The following WDFY3 variants were observed in gnomAD, a reference collection of about 807,000 sequenced individuals.
WDFY3 encodes WD repeat and FYVE domain containing 3.
In WDFY3, 66 loss-of-function variants were observed where a neutral mutation model predicts 409.6. The observed-to-expected ratio is 0.16, with a 90% CI of 0.13 to 0.20. WDFY3 has a LOEUF of 0.20. Among genes scored for constraint, WDFY3 ranks in the 10% least tolerant of loss-of-function variants. The pLI, the probability that WDFY3 is intolerant of heterozygous loss-of-function variation, is 1.00. For synonymous variants in WDFY3, 1,521 were observed against 1,537.1 expected (o/e 0.99, Z 0.25); for missense variants, 3,031 against 4,298.1 (o/e 0.71, Z 8.24).
chr4:84,750,748 G>A (rs1362229105), intron 36 of WDFY3, among the ~76,000 whole-genome samples: 1 of 152,152 alleles, frequency 6.6e-6, no homozygotes, highest in East Asian at 1.9e-4. Context: ...AATTTCTAGA[G>A]GCAGCAATGA....
At chr4:84,727,561 A>G (rs1397046392) in intron 44 of WDFY3, among the ~76,000 whole-genome samples, 1 of 152,190 alleles carries the variant, frequency 6.6e-6, no homozygotes, top group Non-Finnish European at 1.5e-5. Flanking sequence ...TAATGGCTTT[A>G]TATTTTATTT....
At position 84,772,854 on chromosome 4, in the gene WDFY3, A is replaced by C; in HGVS notation, c.4830T>G (p.Asn1610Lys). 1 of 1,611,470 alleles carries C rather than the reference A, an allele frequency of 6.2e-7. No homozygotes were observed. Among genetic ancestry groups the C allele is most frequent in the Non-Finnish European group, 8.5e-7 (1 of 1,178,996 alleles). The change falls in exon 30 of 68, where the codon AAT becomes AAG. Residue 1610 changes from asparagine to lysine, a missense_variant. Asn to Lys is a moderately conservative substitution (Grantham distance 94). Around this residue, in one of 16 missense-constraint regions of WDFY3, gnomAD observed 342 missense variants for 463.7 expected, o/e 0.74. Coordinates refer to ENST00000295888, the MANE Select transcript of WDFY3 (RefSeq NM_014991.6). ...CEKFVVMEIN[N>K]EEKLDTGTEE... ...ACTTACCAGTGTCAAGCTTCTCTTCATTATTTATTTCCATTACTACAAATT... is the reference window on the plus strand; with the variant it reads ...ACTTACCAGTGTCAAGCTTCTCTTCCTTATTTATTTCCATTACTACAAATT...
chr4:84,691,508 T>G (rs993648132), intron 60 of WDFY3, 123 bp downstream of exon 60: 1 of 1,068,014 alleles, frequency 9.4e-7, no homozygotes, highest in African/African-American at 1.6e-5. Context: ...CACTTTTCTT[T>G]TGGGCTTTGG....
rs761030925 is a variant in WDFY3, at chr4:84,810,036, G to A, written c.2196C>T (p.Ser732=). 1.3e-5 allele frequency: 21 copies of A among 1,614,024 alleles called. No individual in the cohort carries two copies. The Admixed American group carries it at 1.7e-4, about 13-fold the overall frequency. ...TATTTGAGGGGAAGACATTCATGGCGCTTATTTTTCTTAGGTCTGAGAAGC... is the reference window on the plus strand; with the variant it reads ...TATTTGAGGGGAAGACATTCATGGCACTTATTTTTCTTAGGTCTGAGAAGC... ...LGCFSDLRKI[S]AMNVFPSNTQ... Residue 732 remains serine (S), a synonymous_variant, in exon 14 of 68, where the codon AGC becomes AGT. Transcript: ENST00000295888.
intron 10 of WDFY3, among the ~76,000 whole-genome samples, chr4:84,823,934 G>A (rs1020691885): frequency 2.0e-5 from 3 of 152,076 alleles, no homozygotes; most frequent in Non-Finnish European, 4.4e-5. Context: ...TTAGCTAAAA[G>A]AAATGAAAAC....
chr4:84,697,761 C>T (rs894905339), intron 56 of WDFY3, among the ~76,000 whole-genome samples: 2 of 152,134 alleles, frequency 1.3e-5, no homozygotes, highest in African/African-American at 4.8e-5. Context: ...AGTTTAATAG[C>T]AGTTGGTTAG....
intron 4 of WDFY3, among the ~76,000 whole-genome samples, chr4:84,857,845 G>C (rs1373909297): frequency 6.6e-6 from 1 of 152,096 alleles, no homozygotes. Context: ...TCCAACACAA[G>C]CTCATGGGTG....
At chr4:84,745,268 A>T (rs1186593340) in intron 36 of WDFY3, among the ~76,000 whole-genome samples, 1 of 152,212 alleles carries the variant, frequency 6.6e-6, no homozygotes. Context: ...GTTGGATATT[A>T]AACAATTCAA....
In WDFY3 at chr4:84,922,632, T is replaced by A. The variant is rs1271037170; in HGVS notation, c.-132+9638A>T. Among the ~76,000 whole-genome samples the A allele has an allele frequency of 3.3e-5, 5 of 152,146 alleles. No individual in the cohort carries two copies. In the Middle Eastern group the frequency reaches 0.01, roughly 311 times the overall value. ...CATTTTTTTTTTTTAATCTTATTGC[T>A]TTTACCGAGGCAAAGTCTGTTTTGT... is the stretch of plus-strand genomic sequence containing the variant. On this transcript the variant is annotated intron_variant, in intron 2 of 67. Transcript: ENST00000295888.
chr4:84,770,172 G>C (rs1744414640), intron 30 of WDFY3, among the ~76,000 whole-genome samples: 1 of 151,788 alleles, frequency 6.6e-6, no homozygotes. Context: ...GGGACCACAG[G>C]CGCCCACCAC....
At chr4:84,685,793 A>G (rs1728210019) in intron 62 of WDFY3, among the ~76,000 whole-genome samples, 2 of 152,242 alleles carry the variant, frequency 1.3e-5, no homozygotes, top group Admixed American at 1.3e-4. Flanking sequence ...CTGCTTTTGT[A>G]GTATTTGCAG....
intron 6 of WDFY3, among the ~76,000 whole-genome samples, chr4:84,837,700 T>C (rs1207937819): frequency 2.0e-5 from 3 of 152,204 alleles, no homozygotes. Flanking sequence ...CAGTACATAT[T>C]TCAACATTGT....
chr4:84,730,635 A>G (rs752859346), intron 44 of WDFY3, among the ~76,000 whole-genome samples: 2 of 152,196 alleles, frequency 1.3e-5, no homozygotes, highest in African/African-American at 2.4e-5. Context: ...GAGGGCTGTT[A>G]TAAGACTGAA....
intron 39 of WDFY3, among the ~76,000 whole-genome samples, chr4:84,739,753 T>C (rs893826246): frequency 2.0e-5 from 3 of 152,170 alleles, no homozygotes; most frequent in Non-Finnish European, 4.4e-5. Flanking sequence ...GGGTCTATCA[T>C]ACTCACATTT....
At chr4:84,719,620 TAA>T (rs1321766157) in intron 47 of WDFY3, among the ~76,000 whole-genome samples, 6 of 152,250 alleles carry the variant, frequency 3.9e-5, no homozygotes, top group Non-Finnish European at 7.3e-5. Flanking sequence ...TGATGTACTT[TAA>T]AAGTTTCTCT....
chr4:84,962,675 C>CTTT (rs373118403), intron 1 of WDFY3, among the ~76,000 whole-genome samples: 1 of 136,218 alleles, frequency 7.3e-6, no homozygotes, highest in Non-Finnish European at 1.6e-5. Context: ...GGAGCCATTT[C>CTTT]TTTTTTTTTT....
At chr4:84,832,629 AT>A (rs1176368319) in intron 7 of WDFY3, among the ~76,000 whole-genome samples, 3 of 152,194 alleles carry the variant, frequency 2.0e-5, no homozygotes, top group Non-Finnish European at 4.4e-5. Context: ...TTATTTGTCA[AT>A]TAAAATTAAT....
chr4:84,843,726 A>T (rs916918111), intron 5 of WDFY3, among the ~76,000 whole-genome samples: 10 of 152,156 alleles, frequency 6.6e-5, no homozygotes, highest in African/African-American at 2.4e-4. Context: ...ATTTTAAATG[A>T]GGTAAGCAGC....
At chr4:84,830,669 G>C (rs988450807) in intron 8 of WDFY3, among the ~76,000 whole-genome samples, 1 of 152,118 alleles carries the variant, frequency 6.6e-6, no homozygotes, top group African/African-American at 2.4e-5. Context: ...TAAACCAACA[G>C]TGTCTTCTTA....
Sources: allele counts gnomAD v4.1 joint callset (sites outside exome capture counted in the v4.1 genomes callset), GRCh38; gene constraint gnomAD v4.1.1; regional missense constraint gnomAD v4.1.1; transcripts MANE v1.5; gene names NCBI Gene and HGNC (gene_info 2026-07-23, HGNC 2026-07-21).